The following ABI1 variants were observed in gnomAD, a reference collection of about 807,000 sequenced individuals.
ABI1 encodes the protein Abelson interactor 1.
A neutral mutation model predicts 54.6 loss-of-function variants in ABI1; 14 were observed. The ratio of observed to expected loss-of-function variants is 0.26; its 90% CI spans 0.17 to 0.40. The LOEUF (loss-of-function observed/expected upper bound fraction) is 0.40, where lower values mean the gene tolerates loss of function less well. ABI1 is among the 10% of genes least tolerant of loss of function. The probability of loss-of-function intolerance (pLI) is 1.00; values close to 1 mark genes in which losing one functional copy is unlikely to be tolerated. For synonymous variants in ABI1, 194 were observed against 209.3 expected, an observed-to-expected ratio of 0.93 and a Z score of 0.63; for missense variants, 443 against 598.3, an observed-to-expected ratio of 0.74 and a Z score of 2.71.
chr10:26,800,798 G>GATCACTT, intron 2 of ABI1, among the ~76,000 whole-genome samples: 1 of 152,110 alleles, frequency 6.6e-6, no homozygotes, highest in Non-Finnish European at 1.5e-5. Flanking sequence ...TGGGAGGTCG[G>GATCACTT]GAGTTCGAGA....
chr10:26,776,050 C>T (rs1841370214), intron 3 of ABI1, among the ~76,000 whole-genome samples: 2 of 152,162 alleles, frequency 1.3e-5, no homozygotes. Context: ...AGCTCTTATA[C>T]AATCCTAGCC....
At chr10:26,813,003 C>T (rs1303166830) in intron 2 of ABI1, among the ~76,000 whole-genome samples, 2 of 152,142 alleles carry the variant, frequency 1.3e-5, no homozygotes, top group Non-Finnish European at 2.9e-5. Context: ...AATCTCAGCA[C>T]TTTGGGAGGC....
intron 10 of ABI1, among the ~76,000 whole-genome samples, chr10:26,749,772 A>G (rs1395267590): frequency 6.6e-6 from 1 of 152,246 alleles, no homozygotes; most frequent in Non-Finnish European, 1.5e-5. Context: ...ATTTTTGTAA[A>G]TAAAGGTTTA....
At chr10:26,786,936 T>C (rs1381945387) in intron 2 of ABI1, among the ~76,000 whole-genome samples, 1 of 152,222 alleles carries the variant, frequency 6.6e-6, no homozygotes, top group Non-Finnish European at 1.5e-5. Flanking sequence ...AGTGAACGTG[T>C]TCAAAATCAA....
At chr10:26,831,181 T>G (rs926834605) in intron 1 of ABI1, among the ~76,000 whole-genome samples, 1 of 152,170 alleles carries the variant, frequency 6.6e-6, no homozygotes, top group Non-Finnish European at 1.5e-5. Flanking sequence ...TATTTGTCTT[T>G]TATAGCTTTT....
intron 1 of ABI1, among the ~76,000 whole-genome samples, chr10:26,836,084 A>G (rs1456254690): frequency 6.6e-6 from 1 of 151,594 alleles, no homozygotes; most frequent in Non-Finnish European, 1.5e-5. Flanking sequence ...TGACATGGAT[A>G]ATTCTCTTGA....
At chr10:26,845,524 T>C (rs2049904994) in intron 1 of ABI1, among the ~76,000 whole-genome samples, 1 of 152,120 alleles carries the variant, frequency 6.6e-6, no homozygotes, top group South Asian at 2.1e-4. Flanking sequence ...GTGCCTGTAA[T>C]CCCAGCTACT....
Position 26,860,660 on chromosome 10 carries a change from G to T in ABI1, c.117+87C>A. On this transcript the variant is annotated intron_variant, in intron 1 of 10. Coordinates refer to ENST00000376140, the MANE Select transcript of ABI1 (RefSeq NM_001012750.3). The surrounding 1 kb of genome is among the most constrained non-coding windows in gnomAD (Gnocchi z 4.1). ...GGGTTGGTGGCAGCCGCTGAGGTCA[G>T]GGCAGTTCCCCACCCCGCCCAGTGG... 1 of 1,067,582 alleles carries T rather than the reference G, an allele frequency of 9.4e-7. No homozygotes were observed. The highest frequency in any genetic ancestry group is 1.3e-5 in the South Asian group (1 of 79,106). The allele number at this position is 1,067,582 out of a possible 1,614,324, so 66.1% of individuals were successfully genotyped here. A position where few individuals can be genotyped will look rare whatever the true frequency, so the allele number is the denominator to read the frequency against.
At chr10:26,762,311 C>T (rs1839341176) in intron 7 of ABI1, among the ~76,000 whole-genome samples, 2 of 152,160 alleles carry the variant, frequency 1.3e-5, no homozygotes, top group Non-Finnish European at 1.5e-5. Flanking sequence ...CCCAGCCTTA[C>T]AGCTTGTTAT....
At chr10:26,830,284 C>G (rs531544492) in intron 1 of ABI1, among the ~76,000 whole-genome samples, 1 of 152,194 alleles carries the variant, frequency 6.6e-6, no homozygotes, top group South Asian at 2.1e-4. Flanking sequence ...CCTAAAGATA[C>G]AACTGCTGAG....
At chr10:26,765,525 T>C (rs1054524339) in intron 6 of ABI1, among the ~76,000 whole-genome samples, 2 of 152,090 alleles carry the variant, frequency 1.3e-5, no homozygotes, top group East Asian at 3.8e-4. Context: ...CCAGTGGACA[T>C]GAAACATTGG....
intron 2 of ABI1, among the ~76,000 whole-genome samples, chr10:26,802,110 G>GT (rs1203768276): frequency 2.0e-5 from 3 of 152,188 alleles, no homozygotes. Flanking sequence ...ATGCATGTCT[G>GT]TAATAACATA....
chr10:26,796,462 G>A (rs902682210), intron 2 of ABI1, among the ~76,000 whole-genome samples: 1 of 152,180 alleles, frequency 6.6e-6, no homozygotes, highest in Non-Finnish European at 1.5e-5. Flanking sequence ...ATGCTGTACA[G>A]GTTTGTAGCC....
rs187414431 is a variant in ABI1, at chr10:26,848,361, A to T, written c.117+12386T>A. On this transcript the variant is annotated intron_variant, in intron 1 of 10. Coordinates refer to ENST00000376140, the MANE Select transcript of ABI1 (RefSeq NM_001012750.3). The stretch of plus-strand genomic sequence containing the variant: ...ATGATTGTTATATCATTTTAAAATT[A>T]AAAATATTATTTCTCACTACTTCCT... Among the ~76,000 whole-genome samples, 434 of 151,608 alleles carry T rather than the reference A, an allele frequency of 2.9e-3. 4 individuals carry two copies. The South Asian group carries it at 0.035, about 12-fold the overall frequency.
intron 2 of ABI1, among the ~76,000 whole-genome samples, chr10:26,807,724 C>A (rs1238617204): frequency 6.6e-6 from 1 of 152,170 alleles, no homozygotes; most frequent in Non-Finnish European, 1.5e-5. Flanking sequence ...GAACTCTGCC[C>A]TCTGGGTCAC....
At chr10:26,838,721 T>A (rs1030454359) in intron 1 of ABI1, among the ~76,000 whole-genome samples, 1 of 152,198 alleles carries the variant, frequency 6.6e-6, no homozygotes, top group Non-Finnish European at 1.5e-5. Context: ...TGTTGCAATA[T>A]GTATTCTGTG....
At chr10:26,839,772 A>T (rs1376399301) in intron 1 of ABI1, 2 of 701,814 alleles carry the variant, frequency 2.8e-6, no homozygotes, top group Admixed American at 4.0e-5. Flanking sequence ...GCAACACAGC[A>T]AAACCATGTC....
intron 2 of ABI1, among the ~76,000 whole-genome samples, chr10:26,792,683 G>A (rs1444517505): frequency 6.6e-6 from 1 of 152,080 alleles, no homozygotes; most frequent in Admixed American, 6.6e-5. Flanking sequence ...GTAAACAAAT[G>A]TTCTAAAGGA....
At chr10:26,803,020 G>C (rs1003383864) in intron 2 of ABI1, among the ~76,000 whole-genome samples, 11 of 152,084 alleles carry the variant, frequency 7.2e-5, no homozygotes, top group Non-Finnish European at 1.5e-4. Context: ...AGAAGTACTA[G>C]GAAAAATCAA....
Sources: allele counts gnomAD v4.1 joint callset (sites outside exome capture counted in the v4.1 genomes callset), GRCh38; gene constraint gnomAD v4.1.1; non-coding constraint Gnocchi (gnomAD v3.1); transcripts MANE v1.5; gene names NCBI Gene and HGNC (gene_info 2026-07-23, HGNC 2026-07-21).